Variants in EDIL3 observed in about 807,000 individuals in gnomAD.
EDIL3 encodes EGF-like repeat and discoidin I-like domain-containing protein 3.
EDIL3 carries 37 observed loss-of-function variants against 67.4 expected under a neutral mutation model. The observed-to-expected ratio is 0.55, with a 90% CI of 0.42 to 0.72. EDIL3 has a LOEUF of 0.72. Ranked by LOEUF, EDIL3 falls within the 30% of genes least tolerant of loss-of-function variation. The pLI is 0.00. For missense variants in EDIL3, 527 were observed against 586.3 expected, an observed-to-expected ratio of 0.90 and a Z score of 1.04; for synonymous variants, 195 against 196.3, an observed-to-expected ratio of 0.99 and a Z score of 0.05.
chr5:83,980,681 A>ATATATATATATATATT (rs1397392895), intron 9 of EDIL3, among the ~76,000 whole-genome samples: 36 of 143,204 alleles, frequency 2.5e-4, no homozygotes, highest in African/African-American at 8.9e-4. Context: ...ATTGAAATAT[A>ATATATATATATATATT]TATATATATA....
At chr5:84,021,475 G>T (rs1346121340) in intron 9 of EDIL3, among the ~76,000 whole-genome samples, 1 of 151,892 alleles carries the variant, frequency 6.6e-6, no homozygotes, top group Admixed American at 6.6e-5. Context: ...GATTGTTCAG[G>T]AGCATACTGT....
chr5:84,251,407 G>T (rs945114963), intron 2 of EDIL3, among the ~76,000 whole-genome samples: 23 of 150,190 alleles, frequency 1.5e-4, no homozygotes, highest in Non-Finnish European at 3.0e-4. Flanking sequence ...GAGCCACCAC[G>T]CCCGGCCTTT....
intron 5 of EDIL3, among the ~76,000 whole-genome samples, chr5:84,130,730 C>T (rs73769735): frequency 7.3e-4 from 111 of 152,202 alleles, no homozygotes; most frequent in African/African-American, 2.6e-3. Flanking sequence ...TGCAAACATT[C>T]ATTTGCTTGT....
intron 6 of EDIL3, among the ~76,000 whole-genome samples, chr5:84,075,771 G>A (rs752068410): frequency 1.3e-5 from 2 of 151,682 alleles, no homozygotes; most frequent in African/African-American, 2.4e-5. Context: ...CACTGTGCCC[G>A]GCCCACAGGG....
At chr5:84,171,464 G>T (rs1028171001) in intron 4 of EDIL3, among the ~76,000 whole-genome samples, 1 of 152,174 alleles carries the variant, frequency 6.6e-6, no homozygotes, top group Admixed American at 6.5e-5. Flanking sequence ...CCTATAGATA[G>T]GTTATGGGCT....
intron 4 of EDIL3, among the ~76,000 whole-genome samples, chr5:84,175,329 C>G (rs1748883663): frequency 6.6e-6 from 1 of 152,132 alleles, no homozygotes; most frequent in South Asian, 2.1e-4. Context: ...TAGCCTCCCC[C>G]TGCCTTACTA....
At chr5:84,372,254 A>G (rs1322670237) in intron 1 of EDIL3, among the ~76,000 whole-genome samples, 1 of 152,136 alleles carries the variant, frequency 6.6e-6, no homozygotes, top group Non-Finnish European at 1.5e-5. Context: ...AATATGTACG[A>G]CTTCAGCATG....
chr5:84,204,837 A>T (rs1414007654), intron 3 of EDIL3, among the ~76,000 whole-genome samples: 2 of 151,966 alleles, frequency 1.3e-5, no homozygotes, highest in Non-Finnish European at 2.9e-5. Context: ...ACATGACCTA[A>T]AAACGAAATG....
At chr5:84,000,909 T>C (rs1230606931) in intron 9 of EDIL3, among the ~76,000 whole-genome samples, 2 of 151,528 alleles carry the variant, frequency 1.3e-5, no homozygotes, top group Non-Finnish European at 2.9e-5. Context: ...TATTTAAAAA[T>C]AAAATTTAAA....
At chr5:84,198,466 T>C (rs899725750) in intron 3 of EDIL3, among the ~76,000 whole-genome samples, 1 of 152,102 alleles carries the variant, frequency 6.6e-6, no homozygotes, top group African/African-American at 2.4e-5. Context: ...ATATACATTA[T>C]CTTGTGTATA....
chr5:84,012,880 T>C (rs1424975415), intron 9 of EDIL3, among the ~76,000 whole-genome samples: 1 of 152,064 alleles, frequency 6.6e-6, no homozygotes, highest in Non-Finnish European at 1.5e-5. Context: ...CAAATAGCTT[T>C]CACTTTAGAA....
rs185007806 is a variant in EDIL3 at position 84,050,016 on chromosome 5, G to A, written c.1137+10284C>T. On this transcript the variant is annotated intron_variant, in intron 9 of 10. Transcript: ENST00000296591. ...AGATCGAGACCATCCTGGCTAACAC[G>A]GTGAAACCCCGTCTCTACTAAAAAT... Among the ~76,000 whole-genome samples, 1,052 of 151,882 alleles carry A rather than the reference G, an allele frequency of 6.9e-3. 13 individuals carry two copies. Among genetic ancestry groups the A allele is most frequent in the African/African-American group, 0.024 (998 of 41,418 alleles).
At chr5:84,117,017 C>CTTTTTTT (rs1165510374) in intron 5 of EDIL3, among the ~76,000 whole-genome samples, 7 of 93,124 alleles carry the variant, frequency 7.5e-5, no homozygotes, top group Non-Finnish European at 1.0e-4. Flanking sequence ...AAGTTAAGTA[C>CTTTTTTT]TTATTTTTTT....
chr5:84,327,113 T>C (rs1340314753), intron 1 of EDIL3, among the ~76,000 whole-genome samples: 1 of 151,886 alleles, frequency 6.6e-6, no homozygotes, highest in African/African-American at 2.4e-5. Flanking sequence ...TTACCATTAT[T>C]TTGTAGTGAG....
intron 4 of EDIL3, among the ~76,000 whole-genome samples, chr5:84,163,313 G>A (rs1190374089): frequency 6.6e-6 from 1 of 152,004 alleles, no homozygotes; most frequent in African/African-American, 2.4e-5. Context: ...GCTCTGAAGA[G>A]GAAAGAGAAA....
At chr5:84,148,653 A>G (rs1434356934) in intron 4 of EDIL3, among the ~76,000 whole-genome samples, 1 of 151,936 alleles carries the variant, frequency 6.6e-6, no homozygotes, top group African/African-American at 2.4e-5. Flanking sequence ...CCAGAATCTC[A>G]TCTACAAAAT....
intron 1 of EDIL3, among the ~76,000 whole-genome samples, chr5:84,340,522 CTCTCTCTCTCTCTA>C (rs1747082945): frequency 4.3e-5 from 3 of 70,446 alleles, no homozygotes; most frequent in African/African-American, 1.3e-4. Context: ...CTCTCTCTCT[CTCTCTCTCTCTCTA>C]TATATATATA....
At position 84,180,423 on chromosome 5, in the gene EDIL3, G is replaced by A; in HGVS notation, c.325C>T (p.Arg109Ter). The A allele has an allele frequency of 2.5e-6, 4 of 1,602,712 alleles. No homozygotes were observed. Among genetic ancestry groups the A allele is most frequent in the Non-Finnish European group, 3.4e-6 (4 of 1,175,118 alleles). Reference sequence around the variant, plus strand: ...TGACAGTGAATCCCATTAAATCCTCGGGGACATTTACAAACATAGCCTATG... The same window carrying A: ...TGACAGTGAATCCCATTAAATCCTCAGGGACATTTACAAACATAGCCTATG... ...TFIGYVCKCP[R>*]GFNGIHCQHN... The change falls in exon 4 of 11, where the codon CGA (arginine) becomes TGA (stop). Residue 109 changes from arginine (R) to a stop codon, truncating the protein, a stop_gained. Coordinates refer to ENST00000296591, the MANE Select transcript of EDIL3 (RefSeq NM_005711.5). LOFTEE classifies it high-confidence loss of function.
intron 6 of EDIL3, among the ~76,000 whole-genome samples, chr5:84,076,477 T>G (rs1746857885): frequency 6.6e-6 from 1 of 152,194 alleles, no homozygotes; most frequent in Admixed American, 6.5e-5. Context: ...TTTGAATGGA[T>G]TTTTCACCCA....
Sources: gnomAD v4.1 joint callset for allele counts (sites outside exome capture counted in the v4.1 genomes callset) on GRCh38, gnomAD v4.1.1 for gene constraint, MANE v1.5 for transcripts, NCBI Gene and HGNC (gene_info 2026-07-23, HGNC 2026-07-21) for gene names.